EGFLAM: variants seen among roughly 807,000 people sequenced by gnomAD.
EGFLAM encodes the protein pikachurin.
EGFLAM carries 79 observed loss-of-function variants against 113.1 expected under a neutral mutation model. The observed-to-expected ratio is 0.70, with a 90% confidence interval of 0.58 to 0.84. The LOEUF is 0.84. Ranked by LOEUF, EGFLAM falls within the 40% of genes least tolerant of loss-of-function variation. The pLI, the probability that EGFLAM is intolerant of heterozygous loss-of-function variation, is 0.00. For synonymous variants in EGFLAM, 504 were observed against 487.6 expected (o/e 1.03, Z -0.44); for missense variants, 1,265 against 1,291.6 (o/e 0.98, Z 0.32).
chr5:38,308,603 C>T (rs7708075), intron 1 of EGFLAM, among the ~76,000 whole-genome samples: 2,004 of 152,050 alleles, frequency 0.013, 41 homozygotes, highest in African/African-American at 0.045. Flanking sequence ...TTAGGGTCAC[C>T]CCAAGGTTTA....
chr5:38,406,485 A>G (rs529472174), intron 7 of EGFLAM, among the ~76,000 whole-genome samples: 1 of 152,346 alleles, frequency 6.6e-6, no homozygotes, highest in East Asian at 1.9e-4. Flanking sequence ...TGGCAAAAAC[A>G]TATTTCTATT....
intron 1 of EGFLAM, among the ~76,000 whole-genome samples, chr5:38,303,979 G>A (rs1758658186): frequency 7.1e-6 from 1 of 141,200 alleles, no homozygotes; most frequent in Non-Finnish European, 1.5e-5. Context: ...CTACTAAAAA[G>A]TAAAAAAAAT....
At chr5:38,333,890 T>C (rs1739115162) in intron 1 of EGFLAM, among the ~76,000 whole-genome samples, 1 of 151,400 alleles carries the variant, frequency 6.6e-6, no homozygotes, top group Admixed American at 6.6e-5. Flanking sequence ...TTTTCACTCA[T>C]TGTCTGTTTA....
intron 19 of EGFLAM, among the ~76,000 whole-genome samples, chr5:38,454,884 T>C (rs1172991962): frequency 6.6e-6 from 1 of 152,198 alleles, no homozygotes; most frequent in East Asian, 1.9e-4. Flanking sequence ...AATGTATATA[T>C]GTATATATAT....
intron 10 of EGFLAM, among the ~76,000 whole-genome samples, chr5:38,410,919 AAC>A (rs1305576074): frequency 6.6e-6 from 1 of 152,232 alleles, no homozygotes; most frequent in Non-Finnish European, 1.5e-5. Context: ...AATCCCTGGA[AAC>A]ACAGTGACTT....
intron 12 of EGFLAM, among the ~76,000 whole-genome samples, chr5:38,420,815 G>A (rs1030766780): frequency 2.0e-5 from 3 of 152,172 alleles, no homozygotes; most frequent in African/African-American, 7.2e-5. Context: ...GACACAGTGC[G>A]ATACCCACTT....
chr5:38,378,981 A>G (rs1029867890), intron 6 of EGFLAM, among the ~76,000 whole-genome samples: 2 of 152,106 alleles, frequency 1.3e-5, no homozygotes, highest in Non-Finnish European at 2.9e-5. Context: ...GGTGTAGCTG[A>G]CAGGGGCAGC....
At chr5:38,446,008 G>C (rs574801653) in intron 17 of EGFLAM, among the ~76,000 whole-genome samples, 6 of 152,148 alleles carry the variant, frequency 3.9e-5, no homozygotes. Context: ...CCACCGCCAC[G>C]GGCCAACAAC....
At chr5:38,386,752 G>A (rs181692808) in intron 6 of EGFLAM, among the ~76,000 whole-genome samples, 27 of 152,266 alleles carry the variant, frequency 1.8e-4, no homozygotes, top group Non-Finnish European at 2.8e-4. Context: ...TGATCTGCCC[G>A]CCTCGGCCTC....
chr5:38,397,532 A>G (rs1313852441), intron 6 of EGFLAM, among the ~76,000 whole-genome samples: 3 of 152,148 alleles, frequency 2.0e-5, no homozygotes, highest in South Asian at 2.1e-4. Context: ...GGCTCAAGCA[A>G]TCTTCCCACC....
In EGFLAM at chr5:38,463,695, C is replaced by G. The variant is rs1016142684; in HGVS notation, c.2876-137C>G. 58 of 990,492 alleles carry G rather than the reference C, an allele frequency of 5.9e-5. No individual in the cohort carries two copies. The East Asian group carries it at 1.4e-3, about 24-fold the overall frequency. The allele number at this position is 990,492 out of a possible 1,614,324, so 61.4% of individuals were successfully genotyped here. ...TGAGGTACTGAGCAGCTCAAGGGGC[C>G]CACAGCCCTCACATGTCCCATGAAT... On this transcript the variant is annotated intron_variant, in intron 21 of 21. Coordinates refer to ENST00000322350, the MANE Select transcript of EGFLAM (RefSeq NM_152403.4).
chr5:38,379,421 G>A lies in EGFLAM; in HGVS notation c.712+8959G>A, dbSNP rs141434502. Among the ~76,000 whole-genome samples the A allele has an allele frequency of 3.9e-4, 59 of 151,688 alleles. No homozygotes were observed. In the East Asian group the frequency reaches 9.9e-3, roughly 26 times the overall value. The stretch of plus-strand genomic sequence containing the variant: ...GTAAATGATGCATGGAACCTCCAAA[G>A]AATAGGTGACAGATAGCCCATGACA... On this transcript the variant is annotated intron_variant, in intron 6 of 21. Transcript: ENST00000322350.
intron 5 of EGFLAM, among the ~76,000 whole-genome samples, chr5:38,359,757 C>T (rs1739871933): frequency 6.6e-6 from 1 of 152,166 alleles, no homozygotes; most frequent in Non-Finnish European, 1.5e-5. Flanking sequence ...TTTAGGGACT[C>T]GGGTCAAGAA....
At chr5:38,359,151 A>T (rs1468169612) in intron 5 of EGFLAM, among the ~76,000 whole-genome samples, 1 of 152,230 alleles carries the variant, frequency 6.6e-6, no homozygotes, top group Non-Finnish European at 1.5e-5. Context: ...TATGGTGGCA[A>T]TGAAAACCAA....
chr5:38,384,302 C>T (rs1740598625), intron 6 of EGFLAM, among the ~76,000 whole-genome samples: 1 of 152,152 alleles, frequency 6.6e-6, no homozygotes, highest in African/African-American at 2.4e-5. Context: ...TTATGTGACT[C>T]TCTGAAGGTC....
chr5:38,431,616 A>C (rs1391641212), intron 15 of EGFLAM, among the ~76,000 whole-genome samples: 1 of 152,174 alleles, frequency 6.6e-6, no homozygotes, highest in Non-Finnish European at 1.5e-5. Context: ...GTAGGTAAGA[A>C]CATGGACTCT....
At chr5:38,403,660 C>G in intron 6 of EGFLAM, 1 of 1,008,974 alleles carries the variant, frequency 9.9e-7, no homozygotes. Context: ...TTTCATCGTG[C>G]TACTCAGAAC....
intron 5 of EGFLAM, among the ~76,000 whole-genome samples, chr5:38,361,155 C>T (rs1739910455): frequency 6.6e-6 from 1 of 151,892 alleles, no homozygotes; most frequent in Non-Finnish European, 1.5e-5. Flanking sequence ...CATGAGCCAC[C>T]GCACCCTCCC....
At chr5:38,404,825 G>C (rs1322803672) in intron 6 of EGFLAM, among the ~76,000 whole-genome samples, 1 of 152,156 alleles carries the variant, frequency 6.6e-6, no homozygotes, top group Non-Finnish European at 1.5e-5. Context: ...TCCACTGTGA[G>C]GACATGCAGG....
Sources: allele counts gnomAD v4.1 joint callset (sites outside exome capture counted in the v4.1 genomes callset), GRCh38; gene constraint gnomAD v4.1.1; transcripts MANE v1.5; gene names NCBI Gene and HGNC (gene_info 2026-07-23, HGNC 2026-07-21).